R3HDM1: variants seen among roughly 807,000 people sequenced by gnomAD.
R3HDM1 encodes the protein R3H domain-containing protein 1.
Under a neutral mutation model 141.1 loss-of-function variants are expected in R3HDM1, and 46 were observed. That is an observed-to-expected ratio of 0.33 (90% CI 0.26 to 0.42). R3HDM1 has a LOEUF of 0.42. Ranked by LOEUF, R3HDM1 falls within the 10% of genes least tolerant of loss-of-function variation. The pLI is 1.00. For missense variants in R3HDM1, 1,184 were observed against 1,368.3 expected, an observed-to-expected ratio of 0.87 and a Z score of 2.12; for synonymous variants, 435 against 472.9, an observed-to-expected ratio of 0.92 and a Z score of 1.04.
At chr2:135,532,077 A>C (rs1034764840) in intron 1 of R3HDM1, among the ~76,000 whole-genome samples, 2 of 152,192 alleles carry the variant, frequency 1.3e-5, no homozygotes, top group African/African-American at 4.8e-5. Context: ...AGGCCTGCCA[A>C]GAGCGTGGTA....
intron 1 of R3HDM1, among the ~76,000 whole-genome samples, chr2:135,535,621 C>T (rs547035307): frequency 6.6e-6 from 1 of 152,036 alleles, no homozygotes; most frequent in Non-Finnish European, 1.5e-5. Context: ...ATTAAATCAT[C>T]TTCCACTTAA....
At chr2:135,597,121 C>T (rs1358888320) in intron 1 of R3HDM1, 1 of 978,396 alleles carries the variant, frequency 1.0e-6, no homozygotes, top group African/African-American at 1.8e-5. Context: ...TTACAAGACT[C>T]CACTAATTAT....
intron 23 of R3HDM1, among the ~76,000 whole-genome samples, chr2:135,712,065 C>A (rs184805550): frequency 2.2e-3 from 333 of 151,020 alleles, no homozygotes; most frequent in African/African-American, 7.8e-3. Context: ...TTAAATACTT[C>A]AGGAAAAACA....
chr2:135,630,153 T>C (rs969791325), intron 7 of R3HDM1, among the ~76,000 whole-genome samples: 1 of 150,780 alleles, frequency 6.6e-6, no homozygotes, highest in African/African-American at 2.4e-5. Context: ...GGTGCATGCC[T>C]GTAGTCCCAG....
At chr2:135,588,507 A>T (rs1022184522) in intron 1 of R3HDM1, among the ~76,000 whole-genome samples, 1 of 152,078 alleles carries the variant, frequency 6.6e-6, no homozygotes, top group Admixed American at 6.6e-5. Flanking sequence ...TTAAATTTAA[A>T]TTTTTTGGTG....
intron 1 of R3HDM1, among the ~76,000 whole-genome samples, chr2:135,536,305 A>G (rs1696102963): frequency 1.3e-5 from 2 of 152,174 alleles, no homozygotes; most frequent in African/African-American, 4.8e-5. Flanking sequence ...GACTACAGGC[A>G]TATGGCTAAT....
At chr2:135,571,837 G>T (rs1196457871) in intron 1 of R3HDM1, among the ~76,000 whole-genome samples, 1 of 152,118 alleles carries the variant, frequency 6.6e-6, no homozygotes, top group Non-Finnish European at 1.5e-5. Flanking sequence ...TGCTGCCTAG[G>T]CTAGTCTCGA....
Position 135,602,545 on chromosome 2 carries a change from G to T in R3HDM1, c.-204G>T, listed in dbSNP as rs1221246772. On this transcript the variant is annotated 5_prime_UTR_variant, in exon 2 of 27. Coordinates refer to ENST00000683871, the MANE Select transcript of R3HDM1 (RefSeq NM_001378107.1). ...ATTTGATCCAAGACAGTCCATTCCA[G>T]TCCGGGAATCTACAGTGGTGACAAG... The T allele has an allele frequency of 1.4e-6, 2 of 1,470,628 alleles. No individual in the cohort carries two copies. The highest frequency in any genetic ancestry group is 1.8e-4 in the Middle Eastern group (1 of 5,656). 91.1% of individuals were successfully genotyped at this position (1,470,628 alleles called of 1,614,324 possible).
At chr2:135,566,732 TC>T in intron 1 of R3HDM1, 1 of 985,268 alleles carries the variant, frequency 1.0e-6, no homozygotes, top group Non-Finnish European at 1.2e-6. Flanking sequence ...TTTGGATGGT[TC>T]TAGGGAAGGA....
At chr2:135,604,772 A>C in intron 2 of R3HDM1, 34 bp from the exon 3 acceptor site, 1 of 1,498,494 alleles carries the variant, frequency 6.7e-7, no homozygotes, top group Non-Finnish European at 9.2e-7. Context: ...GAATGTAAAA[A>C]AGTTTCAAAC....
At chr2:135,661,440 C>T in intron 19 of R3HDM1, 47 bp downstream of exon 19, 1 of 1,592,120 alleles carries the variant, frequency 6.3e-7, no homozygotes, top group Non-Finnish European at 8.6e-7. Flanking sequence ...CACTTTTTTC[C>T]ATCTTCTATT....
chr2:135,713,132 G>A (rs1048758613), intron 23 of R3HDM1, among the ~76,000 whole-genome samples: 3 of 152,034 alleles, frequency 2.0e-5, no homozygotes, highest in Admixed American at 1.3e-4. Flanking sequence ...ACCCTGAGTG[G>A]TAGAGGCTGC....
chr2:135,713,329 A>G (rs1159775876), intron 23 of R3HDM1, among the ~76,000 whole-genome samples: 1 of 152,232 alleles, frequency 6.6e-6, no homozygotes. Flanking sequence ...AGGAAGACCA[A>G]TAATCTGCCG....
At position 135,687,804 on chromosome 2, in the gene R3HDM1, T is replaced by C. The variant is rs568499319; in HGVS notation, c.2459+7480T>C. 6.6e-5 allele frequency among the ~76,000 whole-genome samples: 10 copies of C among 152,342 alleles called. 1 individual carries two copies. The highest frequency in any genetic ancestry group is 2.4e-4 in the African/African-American group (10 of 41,578). ...ACCTTTTTGGGTTTAAGAAAAGTTA[T>C]CTTTTTGTTTACCTCACTGAATTTG... On this transcript the variant is annotated intron_variant, in intron 21 of 26. Coordinates refer to ENST00000683871, the MANE Select transcript of R3HDM1 (RefSeq NM_001378107.1).
intron 1 of R3HDM1, among the ~76,000 whole-genome samples, chr2:135,557,660 A>G (rs1293149446): frequency 1.3e-5 from 2 of 152,170 alleles, no homozygotes; most frequent in Non-Finnish European, 2.9e-5. Context: ...GGATGATCAT[A>G]TGGCATATTC....
chr2:135,567,841 G>A (rs1450376574), intron 1 of R3HDM1, among the ~76,000 whole-genome samples: 1 of 149,580 alleles, frequency 6.7e-6, no homozygotes, highest in Non-Finnish European at 1.5e-5. Flanking sequence ...CTGGGCTCAG[G>A]TAATTCTCGC....
intron 21 of R3HDM1, among the ~76,000 whole-genome samples, chr2:135,682,334 G>A (rs1339685446): frequency 6.6e-6 from 1 of 152,070 alleles, no homozygotes; most frequent in Admixed American, 6.6e-5. Flanking sequence ...AAGAACCTAT[G>A]TAAGATGGCT....
intron 18 of R3HDM1, among the ~76,000 whole-genome samples, chr2:135,655,576 G>A (rs963911826): frequency 4.0e-5 from 6 of 151,200 alleles, no homozygotes; most frequent in South Asian, 2.1e-4. Context: ...GCGCGATCTC[G>A]GCTCACTGCA....
chr2:135,579,535 C>T (rs998845300), intron 1 of R3HDM1, among the ~76,000 whole-genome samples: 1 of 143,750 alleles, frequency 7.0e-6, no homozygotes, highest in Admixed American at 7.1e-5. Context: ...TTTTCAAGGT[C>T]ACAAAATATC....
Sources: gnomAD v4.1 joint callset for allele counts (sites outside exome capture counted in the v4.1 genomes callset) on GRCh38, gnomAD v4.1.1 for gene constraint, MANE v1.5 for transcripts, NCBI Gene and HGNC (gene_info 2026-07-23, HGNC 2026-07-21) for gene names.